The following ZNF143 variants were observed in gnomAD, a reference collection of about 807,000 sequenced individuals.
The protein encoded by ZNF143 is SPH-binding factor.
In ZNF143, 49 loss-of-function variants were observed where a neutral mutation model predicts 74.1. The ratio of observed to expected loss-of-function variants is 0.66; its 90% CI spans 0.53 to 0.84. The LOEUF is 0.84. Ranked by LOEUF, ZNF143 falls within the 40% of genes least tolerant of loss-of-function variation. The probability of loss-of-function intolerance (pLI) is 0.00; values close to 1 mark genes in which losing one functional copy is unlikely to be tolerated. For missense variants in ZNF143, 637 were observed against 793.4 expected, an observed-to-expected ratio of 0.80 and a Z score of 2.37; for synonymous variants, 304 against 282.8, an observed-to-expected ratio of 1.07 and a Z score of -0.75.
In ZNF143 at chr11:9,521,751, C is replaced by T. The variant is rs1461244610; in HGVS notation, c.1687-3489C>T. 2.0e-5 allele frequency among the ~76,000 whole-genome samples: 3 copies of T among 151,840 alleles called. No homozygotes were observed. In the East Asian group the frequency reaches 5.8e-4, roughly 29 times the overall value. On this transcript the variant is annotated intron_variant, in intron 14 of 15. Transcript: ENST00000396602. ...GATATAAAGATGTTCATACTATTTC[C>T]TTATTATCTCTTTAATATACATAGG...
In ZNF143 at chr11:9,478,442, A is replaced by T; in HGVS notation, c.426A>T (p.Thr142=). The T allele has an allele frequency of 1.2e-6, 2 of 1,614,190 alleles. No individual in the cohort carries two copies. The highest frequency in any genetic ancestry group is 2.2e-5 in the East Asian group (1 of 44,884). Residue 142 remains threonine (T), a synonymous_variant, in exon 6 of 16, where the codon ACA becomes ACT. Transcript: ENST00000396602. ...LQAVQLEDGT[T]AYIHHAVQVP... ...CGGTTCAGCTGGAAGATGGTACCACAGCTTATATCCACCATGCAGTGCAAG... is the reference window on the plus strand; with the variant it reads ...CGGTTCAGCTGGAAGATGGTACCACTGCTTATATCCACCATGCAGTGCAAG...
intron 3 of ZNF143, 28 bp from the exon 4 acceptor site, chr11:9,473,913 A>G (rs2133877616): frequency 1.2e-6 from 2 of 1,613,644 alleles, no homozygotes; most frequent in Middle Eastern, 1.7e-4. Context: ...GTTTGTGCCA[A>G]TTTATTGTCT....
chr11:9,462,928 T>C (rs1404375434), intron 1 of ZNF143, among the ~76,000 whole-genome samples: 1 of 152,122 alleles, frequency 6.6e-6, no homozygotes, highest in Admixed American at 6.6e-5. Context: ...ATCACTACAA[T>C]CAATTTAGCA....
intron 10 of ZNF143, among the ~76,000 whole-genome samples, chr11:9,500,600 A>G (rs1848125427): frequency 6.6e-6 from 1 of 151,736 alleles, no homozygotes; most frequent in Non-Finnish European, 1.5e-5. Context: ...TGCCCAGCTA[A>G]TTTTTTGTAT....
intron 10 of ZNF143, 47 bp downstream of exon 10, chr11:9,497,847 T>G (rs1320671102): frequency 7.3e-7 from 1 of 1,369,578 alleles, no homozygotes; most frequent in East Asian, 2.8e-5. Flanking sequence ...TTTTTTTTTT[T>G]TGAGACGGAG....
At chr11:9,499,243 C>T (rs567892059) in intron 10 of ZNF143, among the ~76,000 whole-genome samples, 8 of 152,010 alleles carry the variant, frequency 5.3e-5, no homozygotes, top group Non-Finnish European at 1.0e-4. Context: ...GATTACAGTG[C>T]AAAAACAAAG....
At chr11:9,525,146 A>G (rs1589958523) in intron 14 of ZNF143, 94 bp from the exon 15 acceptor site, 3 of 1,456,578 alleles carry the variant, frequency 2.1e-6, no homozygotes. Context: ...TTTCCTTTTC[A>G]ATTTGAAGAA....
At chr11:9,493,208 T>C (rs1477790157) in intron 7 of ZNF143, among the ~76,000 whole-genome samples, 4 of 151,868 alleles carry the variant, frequency 2.6e-5, no homozygotes, top group African/African-American at 9.7e-5. Flanking sequence ...TAACTGAGAC[T>C]ATAGGCACGC....
At chr11:9,510,592 T>C (rs529382596) in intron 12 of ZNF143, among the ~76,000 whole-genome samples, 1 of 152,308 alleles carries the variant, frequency 6.6e-6, no homozygotes, top group South Asian at 2.1e-4. Context: ...TATAAATAGC[T>C]GTGGAACAGA....
intron 1 of ZNF143, among the ~76,000 whole-genome samples, chr11:9,468,464 T>A (rs1856376089): frequency 1.3e-5 from 2 of 152,228 alleles, no homozygotes; most frequent in South Asian, 4.1e-4. Context: ...TTTTGAATAG[T>A]CCTGGAACTG....
chr11:9,468,610 G>T (rs1326738838), intron 1 of ZNF143, among the ~76,000 whole-genome samples: 2 of 152,146 alleles, frequency 1.3e-5, no homozygotes, highest in African/African-American at 4.8e-5. Flanking sequence ...TATCTCATTT[G>T]CTAGCACGTT....
intron 11 of ZNF143, among the ~76,000 whole-genome samples, chr11:9,503,200 T>TAC (rs1206286865): frequency 2.0e-5 from 3 of 152,040 alleles, no homozygotes; most frequent in African/African-American, 7.2e-5. Context: ...AGTAACTGAA[T>TAC]AGTATTTCAT....
At chr11:9,487,459 A>C (rs1020047008) in intron 7 of ZNF143, among the ~76,000 whole-genome samples, 3 of 151,022 alleles carry the variant, frequency 2.0e-5, no homozygotes, top group Non-Finnish European at 4.4e-5. Context: ...TCCCGGGTTC[A>C]TGCTTCTCCT....
At chr11:9,492,058 C>G (rs1847801715) in intron 7 of ZNF143, among the ~76,000 whole-genome samples, 2 of 151,914 alleles carry the variant, frequency 1.3e-5, no homozygotes, top group African/African-American at 4.8e-5. Context: ...GATTCTCCTG[C>G]CTCCCAAGTA....
chr11:9,500,989 G>C, intron 10 of ZNF143, 102 bp from the exon 11 acceptor site: 2 of 1,393,008 alleles, frequency 1.4e-6, no homozygotes, highest in South Asian at 1.3e-5. Flanking sequence ...GCACAAGAAG[G>C]CTAGAGTCTT....
Position 9,508,862 on chromosome 11 carries a change from A to G in ZNF143, c.1375+16A>G, listed in dbSNP as rs1848448543. The G allele has an allele frequency of 1.3e-6, 2 of 1,556,020 alleles. No individual in the cohort carries two copies. Among genetic ancestry groups the G allele is most frequent in the Non-Finnish European group, 1.7e-6 (2 of 1,148,746 alleles). ...CCGCCCCCAGGTGAGAGTTTTGTCT[A>G]CTATATTTTGTTTCTGAGTTTGAGA... On this transcript the variant is annotated intron_variant, in intron 12 of 15. Transcript: ENST00000396602.
chr11:9,463,662 G>A (rs1007816717), intron 1 of ZNF143: 1 of 152,142 alleles, frequency 6.6e-6, no homozygotes, highest in African/African-American at 2.4e-5. Context: ...TACTTTATAT[G>A]TTCTAGATAG....
At chr11:9,480,703 T>C (rs1847199355) in intron 7 of ZNF143, among the ~76,000 whole-genome samples, 1 of 151,948 alleles carries the variant, frequency 6.6e-6, no homozygotes, top group African/African-American at 2.4e-5. Flanking sequence ...TTGGCCAACA[T>C]GGTGAAACCC....
At chr11:9,522,911 G>A (rs1459465254) in intron 14 of ZNF143, among the ~76,000 whole-genome samples, 2 of 151,458 alleles carry the variant, frequency 1.3e-5, no homozygotes, top group African/African-American at 2.4e-5. Context: ...ACAGGCACCC[G>A]CCACCATGCC....
Sources: allele counts gnomAD v4.1 joint callset (sites outside exome capture counted in the v4.1 genomes callset), GRCh38; gene constraint gnomAD v4.1.1; transcripts MANE v1.5; gene names NCBI Gene and HGNC (gene_info 2026-07-23, HGNC 2026-07-21).